Variants in DPYS observed in about 807,000 individuals in gnomAD.
DPYS encodes dihydropyrimidine amidohydrolase.
DPYS carries 39 observed loss-of-function variants against 50.3 expected under a neutral mutation model. The ratio of observed to expected loss-of-function variants is 0.78; its 90% CI spans 0.60 to 1.01. The LOEUF is 1.01. Ranked by LOEUF, DPYS falls within the 50% of genes least tolerant of loss-of-function variation. The pLI, the probability that DPYS is intolerant of heterozygous loss-of-function variation, is 0.00. For missense variants in DPYS, 659 were observed against 680.9 expected (o/e 0.97, Z 0.36); for synonymous variants, 245 against 250.7 (o/e 0.98, Z 0.22).
chr8:104,401,240 G>A (rs1355225029), intron 7 of DPYS, among the ~76,000 whole-genome samples: 1 of 151,860 alleles, frequency 6.6e-6, no homozygotes, highest in Non-Finnish European at 1.5e-5. Flanking sequence ...GATGCCTTAT[G>A]TATTCAGTGT....
intron 1 of DPYS, among the ~76,000 whole-genome samples, chr8:104,459,285 C>A (rs934002675): frequency 1.3e-5 from 2 of 152,204 alleles, no homozygotes. Context: ...ACTGACCTCA[C>A]ATGTTTACTA....
intron 8 of DPYS, among the ~76,000 whole-genome samples, chr8:104,388,764 G>A (rs1320153576): frequency 6.6e-6 from 1 of 152,188 alleles, no homozygotes; most frequent in Non-Finnish European, 1.5e-5. Flanking sequence ...CTCCAAAGCT[G>A]TCAAATCAGA....
At chr8:104,405,342 C>A (rs978773627) in intron 7 of DPYS, among the ~76,000 whole-genome samples, 1 of 152,228 alleles carries the variant, frequency 6.6e-6, no homozygotes, top group Non-Finnish European at 1.5e-5. Context: ...GCTGACCCCA[C>A]TCTATTCTCC....
chr8:104,429,543 A>G lies in DPYS; in HGVS notation c.950+2T>C, dbSNP rs1256075304. 3 of 1,613,904 alleles carry G rather than the reference A, an allele frequency of 1.9e-6. No homozygotes were observed. The highest frequency in any genetic ancestry group is 2.5e-6 in the Non-Finnish European group (3 of 1,179,976). On this transcript the variant is annotated splice_donor_variant, in intron 5 of 9. Transcript: ENST00000351513. LOFTEE classifies it high-confidence loss of function. The stretch of plus-strand genomic sequence containing the variant: ...CTTCCCAGTCATCTGCAAAATGATT[A>G]CTTAGCCAACAGATTCATGAGGAAG...
intron 8 of DPYS, 136 bp from the exon 9 acceptor site, chr8:104,381,450 G>A (rs1811035059): frequency 1.2e-6 from 1 of 802,346 alleles, no homozygotes; most frequent in Non-Finnish European, 2.1e-6. Context: ...CATCCCCTTG[G>A]CCTTTCACGG....
rs969326954 is a variant in DPYS at position 104,398,667 on chromosome 8, C to G, written c.1236-5676G>C. ...CCTTTCTTGAATGTGAAGGCTGAAC[C>G]CAACTGCCCTCCAGGCATTGTCCCT... On this transcript the variant is annotated intron_variant, in intron 7 of 9. Transcript: ENST00000351513. Among the ~76,000 whole-genome samples the G allele has an allele frequency of 5.9e-5, 9 of 152,148 alleles. No individual in the cohort carries two copies. In the East Asian group the frequency reaches 1.7e-3, roughly 29 times the overall value.
intron 4 of DPYS, among the ~76,000 whole-genome samples, chr8:104,442,539 G>A (rs1446160231): frequency 1.3e-5 from 2 of 152,220 alleles, no homozygotes; most frequent in East Asian, 1.9e-4. Context: ...CTTTAAAATC[G>A]CAGTACTTAT....
chr8:104,394,073 T>C (rs1170981215), intron 7 of DPYS, among the ~76,000 whole-genome samples: 3 of 152,250 alleles, frequency 2.0e-5, no homozygotes, highest in Non-Finnish European at 1.5e-5. Context: ...TTTCCATTCC[T>C]GAGTTACTTC....
chr8:104,425,070 T>G (rs149994133), intron 6 of DPYS, among the ~76,000 whole-genome samples: 28,493 of 151,830 alleles, frequency 0.19, 3,412 homozygotes, highest in Non-Finnish European at 0.26. Flanking sequence ...CCTCAGGTGA[T>G]CCACCCTCCT....
rs267606773 is a variant in DPYS, at chr8:104,392,924, C to T, written c.1303G>A (p.Gly435Arg). ...FNIFEGMVCH[G>R]VPLVTISRGK... ...CTTGAAATAGTCACAAGGGGCACCCCGTGGCAAACCATGCCCTCGAAAATG... is the reference window on the plus strand; with the variant it reads ...CTTGAAATAGTCACAAGGGGCACCCTGTGGCAAACCATGCCCTCGAAAATG... The change falls in exon 8 of 10, where the codon GGG (glycine) becomes AGG (arginine). Residue 435 changes from glycine (G) to arginine (R), a missense_variant. By Grantham distance (125) the Gly-to-Arg change is moderately radical. Coordinates refer to ENST00000351513, the MANE Select transcript of DPYS (RefSeq NM_001385.3). The T allele has an allele frequency of 1.2e-5, 19 of 1,614,092 alleles. No individual in the cohort carries two copies. The highest frequency in any genetic ancestry group is 1.6e-4 in the Middle Eastern group (1 of 6,084).
At chr8:104,459,849 C>T (rs1165973579) in intron 1 of DPYS, among the ~76,000 whole-genome samples, 1 of 152,054 alleles carries the variant, frequency 6.6e-6, no homozygotes, top group Non-Finnish European at 1.5e-5. Context: ...TTCTAAGGGC[C>T]CATTTATCTT....
intron 4 of DPYS, among the ~76,000 whole-genome samples, chr8:104,432,029 G>A (rs1812972794): frequency 6.6e-6 from 1 of 152,158 alleles, no homozygotes; most frequent in Admixed American, 6.5e-5. Flanking sequence ...GCAATGAAGA[G>A]TGCTCTATCT....
At chr8:104,447,652 G>C in intron 2 of DPYS, 149 bp from the exon 3 acceptor site, 1 of 902,278 alleles carries the variant, frequency 1.1e-6, no homozygotes, top group East Asian at 2.6e-5. Context: ...TGCAATTAAG[G>C]CCTTGATCTT....
chr8:104,447,543 T>C (rs1813581340), intron 2 of DPYS, 40 bp from the exon 3 acceptor site: 1 of 1,602,162 alleles, frequency 6.2e-7, no homozygotes, highest in Non-Finnish European at 8.6e-7. Flanking sequence ...TATGTTACTC[T>C]AATTTAAATG....
chr8:104,384,128 C>T (rs551268980), intron 8 of DPYS, among the ~76,000 whole-genome samples: 1 of 152,316 alleles, frequency 6.6e-6, no homozygotes, highest in East Asian at 1.9e-4. Flanking sequence ...GGAGCCACAC[C>T]TGCGTGCACG....
intron 4 of DPYS, among the ~76,000 whole-genome samples, chr8:104,438,224 G>T (rs1813216203): frequency 6.6e-6 from 1 of 152,158 alleles, no homozygotes; most frequent in Non-Finnish European, 1.5e-5. Context: ...GAAAGGGAAA[G>T]TCAGCAGATT....
chr8:104,381,537 G>A, intron 8 of DPYS: 1 of 490,734 alleles, frequency 2.0e-6, no homozygotes, highest in Non-Finnish European at 3.7e-6. Flanking sequence ...GAGGCCCAGG[G>A]ACACTCACTG....
At chr8:104,426,223 T>C (rs948389220) in intron 6 of DPYS, among the ~76,000 whole-genome samples, 5 of 152,204 alleles carry the variant, frequency 3.3e-5, no homozygotes, top group Non-Finnish European at 7.3e-5. Flanking sequence ...CAATAAGTAA[T>C]GGAGGCAAGT....
intron 3 of DPYS, among the ~76,000 whole-genome samples, chr8:104,446,907 T>C (rs922949809): frequency 1.3e-5 from 2 of 152,228 alleles, no homozygotes; most frequent in Non-Finnish European, 2.9e-5. Flanking sequence ...AACAGCTACC[T>C]AATACACTGC....
Sources: gnomAD v4.1 joint callset for allele counts (sites outside exome capture counted in the v4.1 genomes callset) on GRCh38, gnomAD v4.1.1 for gene constraint, MANE v1.5 for transcripts, NCBI Gene and HGNC (gene_info 2026-07-23, HGNC 2026-07-21) for gene names.